MARCHF1: variants seen among roughly 807,000 people sequenced by gnomAD.
MARCHF1 encodes E3 ubiquitin-protein ligase MARCHF1.
A neutral mutation model predicts 54.2 loss-of-function variants in MARCHF1; 40 were observed. That is an observed-to-expected ratio of 0.74 (90% confidence interval 0.57 to 0.96). The LOEUF is 0.96. Ranked by LOEUF, MARCHF1 falls within the 40% of genes least tolerant of loss-of-function variation. The pLI, the probability that MARCHF1 is intolerant of heterozygous loss-of-function variation, is 0.00. For synonymous variants in MARCHF1, 236 were observed against 236.3 expected (o/e 1.00, Z 0.01); for missense variants, 586 against 656.5 (o/e 0.89, Z 1.17).
intron 1 of MARCHF1, among the ~76,000 whole-genome samples, chr4:164,165,756 GC>G (rs1172071262): frequency 6.6e-6 from 1 of 151,906 alleles, no homozygotes; most frequent in East Asian, 1.9e-4. Context: ...CATTGAACTT[GC>G]TGATGACCTT....
chr4:163,638,884 C>A (rs1476524576), intron 5 of MARCHF1, among the ~76,000 whole-genome samples: 2 of 152,136 alleles, frequency 1.3e-5, no homozygotes, highest in East Asian at 3.9e-4. Flanking sequence ...TTACATGCAA[C>A]AACATTGTTG....
chr4:164,184,249 C>T (rs573044530), intron 1 of MARCHF1, among the ~76,000 whole-genome samples: 86 of 152,238 alleles, frequency 5.6e-4, no homozygotes, highest in African/African-American at 2.0e-3. Context: ...CAGTTTCTAT[C>T]CCTTCACTCA....
chr4:163,878,786 T>G (rs1481201951), intron 3 of MARCHF1, among the ~76,000 whole-genome samples: 4 of 152,182 alleles, frequency 2.6e-5, no homozygotes, highest in African/African-American at 9.7e-5. Flanking sequence ...AAAGTCAGTT[T>G]TTTTGTACCA....
intron 1 of MARCHF1, among the ~76,000 whole-genome samples, chr4:164,311,514 CTG>C (rs1443406789): frequency 2.0e-5 from 3 of 152,104 alleles, no homozygotes; most frequent in Non-Finnish European, 4.4e-5. Context: ...TCTGTCCAAA[CTG>C]TGTGTTGAAG....
chr4:164,084,775 T>C (rs1284402961), intron 2 of MARCHF1, among the ~76,000 whole-genome samples: 3 of 151,846 alleles, frequency 2.0e-5, no homozygotes, highest in Non-Finnish European at 4.4e-5. Flanking sequence ...ATTTCATGGC[T>C]CTTTATTGTA....
intron 4 of MARCHF1, among the ~76,000 whole-genome samples, chr4:163,747,682 T>C (rs1746401503): frequency 6.6e-6 from 1 of 152,092 alleles, no homozygotes; most frequent in Admixed American, 6.5e-5. Context: ...ATATAACAAC[T>C]GAAATTTAAA....
intron 1 of MARCHF1, among the ~76,000 whole-genome samples, chr4:164,170,888 C>T (rs1339908810): frequency 6.6e-6 from 1 of 152,122 alleles, no homozygotes; most frequent in Non-Finnish European, 1.5e-5. Context: ...TGGCATGTTA[C>T]TCATGTTCAC....
At chr4:163,880,132 C>T (rs1750383778) in intron 3 of MARCHF1, among the ~76,000 whole-genome samples, 1 of 151,356 alleles carries the variant, frequency 6.6e-6, no homozygotes, top group Non-Finnish European at 1.5e-5. Flanking sequence ...TTCAAAAATC[C>T]ATATTCTTAC....
chr4:164,362,953 A>C (rs1450563659), intron 1 of MARCHF1, among the ~76,000 whole-genome samples: 3 of 152,138 alleles, frequency 2.0e-5, no homozygotes, highest in African/African-American at 7.2e-5. Context: ...ATGTCTAAAA[A>C]AATACTAATT....
intron 4 of MARCHF1, among the ~76,000 whole-genome samples, chr4:163,785,303 T>A (rs1298705188): frequency 3.3e-5 from 5 of 152,130 alleles, no homozygotes; most frequent in Admixed American, 3.3e-4. Context: ...ATTTGAAATT[T>A]TCTCCATTGT....
chr4:163,884,948 G>A (rs1267749854), intron 3 of MARCHF1, among the ~76,000 whole-genome samples: 1 of 152,110 alleles, frequency 6.6e-6, no homozygotes, highest in Non-Finnish European at 1.5e-5. Flanking sequence ...CCACTATTCA[G>A]GAACATGCAT....
chr4:164,109,746 T>C (rs928685874), intron 2 of MARCHF1, among the ~76,000 whole-genome samples: 5 of 151,184 alleles, frequency 3.3e-5, no homozygotes, highest in Admixed American at 6.6e-5. Context: ...CTCTAATAAC[T>C]CCTACATGAT....
intron 2 of MARCHF1, among the ~76,000 whole-genome samples, chr4:164,095,963 G>T (rs1755401757): frequency 6.6e-6 from 1 of 152,168 alleles, no homozygotes; most frequent in South Asian, 2.1e-4. Context: ...ATGCAGTGCT[G>T]CTGGGAAAGT....
chr4:164,004,608 CAAT>C (rs1426579134), intron 2 of MARCHF1, among the ~76,000 whole-genome samples: 8 of 151,772 alleles, frequency 5.3e-5, no homozygotes, highest in African/African-American at 1.9e-4. Flanking sequence ...TAAAAAAACT[CAAT>C]AAATTGGAAA....
chr4:163,726,332 C>A (rs2111309649), intron 4 of MARCHF1, among the ~76,000 whole-genome samples: 1 of 152,226 alleles, frequency 6.6e-6, no homozygotes, highest in Non-Finnish European at 1.5e-5. Flanking sequence ...CATAGTTTTG[C>A]CTTTTCTAGA....
chr4:164,341,260 C>A (rs1729919094), intron 1 of MARCHF1, among the ~76,000 whole-genome samples: 1 of 142,608 alleles, frequency 7.0e-6, no homozygotes, highest in African/African-American at 2.6e-5. Flanking sequence ...AAACCACCAG[C>A]TTACATCAAA....
At chr4:163,871,348 T>C (rs1750164021) in intron 3 of MARCHF1, among the ~76,000 whole-genome samples, 1 of 152,162 alleles carries the variant, frequency 6.6e-6, no homozygotes, top group Admixed American at 6.5e-5. Flanking sequence ...ATGTAAGGTG[T>C]AATTGGGGAA....
intron 2 of MARCHF1, among the ~76,000 whole-genome samples, chr4:164,033,931 C>A (rs1330076503): frequency 6.6e-6 from 1 of 152,086 alleles, no homozygotes. Context: ...TGGGTATATA[C>A]CCAAAGGAAT....
At chr4:163,892,001 CA>C (rs1402751307) in intron 3 of MARCHF1, among the ~76,000 whole-genome samples, 2 of 152,018 alleles carry the variant, frequency 1.3e-5, no homozygotes, top group African/African-American at 4.8e-5. Flanking sequence ...ATAGATTCAA[CA>C]GATTTTTTTT....
Sources: gnomAD v4.1 joint callset for allele counts (sites outside exome capture counted in the v4.1 genomes callset) on GRCh38, gnomAD v4.1.1 for gene constraint, MANE v1.5 for transcripts, NCBI Gene and HGNC (gene_info 2026-07-23, HGNC 2026-07-21) for gene names.